The following ASIC2 variants were observed in gnomAD, a reference collection of about 807,000 sequenced individuals.
The protein encoded by ASIC2 is acid sensing ion channel subunit 2.
ASIC2 carries 25 observed loss-of-function variants against 57.3 expected under a neutral mutation model. The ratio of observed to expected loss-of-function variants is 0.44; its 90% confidence interval spans 0.32 to 0.61. The LOEUF (loss-of-function observed/expected upper bound fraction) is 0.61. Among genes scored for constraint, ASIC2 ranks in the 20% least tolerant of loss-of-function variants. The pLI is 0.06. For missense variants in ASIC2, 641 were observed against 738.1 expected (o/e 0.87, Z 1.52); for synonymous variants, 319 against 307.5 (o/e 1.04, Z -0.39).
intron 1 of ASIC2, among the ~76,000 whole-genome samples, chr17:33,315,481 C>G (rs920796789): frequency 6.6e-6 from 1 of 152,100 alleles, no homozygotes; most frequent in African/African-American, 2.4e-5. Flanking sequence ...AGGATAAAAT[C>G]AAAAAGGAAG....
At chr17:34,084,528 C>T (rs1910022484) in intron 1 of ASIC2, among the ~76,000 whole-genome samples, 1 of 152,158 alleles carries the variant, frequency 6.6e-6, no homozygotes, top group South Asian at 2.1e-4. Flanking sequence ...GGTGTGGGCT[C>T]TTTTTTGGTT....
At chr17:33,079,997 A>T (rs894683982) in intron 3 of ASIC2, among the ~76,000 whole-genome samples, 9 of 152,062 alleles carry the variant, frequency 5.9e-5, no homozygotes, top group Non-Finnish European at 1.0e-4. Flanking sequence ...TTGATTTGGG[A>T]TGTCCATGGG....
chr17:33,849,942 G>A (rs1913719242), intron 1 of ASIC2, among the ~76,000 whole-genome samples: 1 of 152,210 alleles, frequency 6.6e-6, no homozygotes, highest in African/African-American at 2.4e-5. Flanking sequence ...TGCTGTTATA[G>A]TCCTAGGCAA....
chr17:33,719,787 T>C (rs1909331844), intron 1 of ASIC2, among the ~76,000 whole-genome samples: 1 of 152,224 alleles, frequency 6.6e-6, no homozygotes, highest in South Asian at 2.1e-4. Flanking sequence ...TCAGTGCTAT[T>C]GCCCTTCCTA....
intron 1 of ASIC2, among the ~76,000 whole-genome samples, chr17:33,205,360 A>C (rs1187074418): frequency 6.6e-6 from 1 of 152,232 alleles, no homozygotes; most frequent in Non-Finnish European, 1.5e-5. Context: ...TCTGGGGAAC[A>C]CTGGTCCTTT....
At chr17:34,064,929 T>C (rs1909113512) in intron 1 of ASIC2, among the ~76,000 whole-genome samples, 1 of 152,150 alleles carries the variant, frequency 6.6e-6, no homozygotes, top group Non-Finnish European at 1.5e-5. Context: ...ACATGGCTAG[T>C]GGGAATGTAA....
At chr17:33,413,893 C>A (rs561078241) in intron 1 of ASIC2, among the ~76,000 whole-genome samples, 16 of 152,322 alleles carry the variant, frequency 1.1e-4, no homozygotes, top group Admixed American at 1.3e-4. Flanking sequence ...TCTTAGGTTT[C>A]TCCCTGGCAT....
chr17:33,486,244 A>T (rs540280235), intron 1 of ASIC2, among the ~76,000 whole-genome samples: 1 of 152,300 alleles, frequency 6.6e-6, no homozygotes, highest in East Asian at 1.9e-4. Flanking sequence ...CTTTGCCTAG[A>T]TTAGCTCTAT....
At chr17:33,363,563 C>G (rs1228904801) in intron 1 of ASIC2, among the ~76,000 whole-genome samples, 1 of 152,248 alleles carries the variant, frequency 6.6e-6, no homozygotes, top group East Asian at 1.9e-4. Context: ...GGTCAGAAAC[C>G]TAGCCCTGCG....
intron 1 of ASIC2, among the ~76,000 whole-genome samples, chr17:33,539,984 A>C (rs1298149441): frequency 2.0e-5 from 3 of 152,124 alleles, no homozygotes; most frequent in Non-Finnish European, 4.4e-5. Context: ...GACTGAAAGA[A>C]CTCAGCACTT....
intron 1 of ASIC2, among the ~76,000 whole-genome samples, chr17:33,754,976 A>AG (rs1233794318): frequency 1.3e-5 from 2 of 150,436 alleles, no homozygotes; most frequent in African/African-American, 4.9e-5. Flanking sequence ...AAAAAAAAAA[A>AG]AAAGAACAGT....
intron 1 of ASIC2, among the ~76,000 whole-genome samples, chr17:33,277,498 T>G (rs1010868600): frequency 6.6e-6 from 1 of 152,224 alleles, no homozygotes; most frequent in Admixed American, 6.5e-5. Context: ...GTGAAAGATG[T>G]GCAAGTTCTC....
chr17:33,400,256 G>C (rs1035121645), intron 1 of ASIC2, among the ~76,000 whole-genome samples: 2 of 152,200 alleles, frequency 1.3e-5, no homozygotes, highest in Admixed American at 1.3e-4. Flanking sequence ...CAGACTCCAT[G>C]CTCCACCTAT....
intron 1 of ASIC2, among the ~76,000 whole-genome samples, chr17:33,559,491 T>C (rs6505353): frequency 0.11 from 16,423 of 152,252 alleles, 2,356 homozygotes; most frequent in African/African-American, 0.33. Flanking sequence ...ATTTTCTTTT[T>C]TTTCAAAGGT....
At chr17:33,069,149 C>T (rs993398943) in intron 3 of ASIC2, among the ~76,000 whole-genome samples, 5 of 152,192 alleles carry the variant, frequency 3.3e-5, no homozygotes, top group Admixed American at 1.3e-4. Context: ...GATTTTCCAG[C>T]TATCTTTCTG....
At chr17:33,409,260 A>T (rs1362625548) in intron 1 of ASIC2, among the ~76,000 whole-genome samples, 1 of 152,162 alleles carries the variant, frequency 6.6e-6, no homozygotes, top group East Asian at 1.9e-4. Flanking sequence ...CATTTCCTCC[A>T]GAGGTCATCA....
chr17:34,012,983 GC>G (rs998467277), intron 1 of ASIC2, among the ~76,000 whole-genome samples: 8 of 152,108 alleles, frequency 5.3e-5, no homozygotes, highest in African/African-American at 1.9e-4. Flanking sequence ...GGAGGAGGCA[GC>G]CCCCCTGCTT....
At chr17:33,018,223 G>T (rs143984401) in intron 7 of ASIC2, among the ~76,000 whole-genome samples, 1 of 152,184 alleles carries the variant, frequency 6.6e-6, no homozygotes, top group Non-Finnish European at 1.5e-5. Flanking sequence ...TAGAGCTGAG[G>T]TTCTTACTCT....
intron 1 of ASIC2, among the ~76,000 whole-genome samples, chr17:33,821,082 T>A (rs1470542116): frequency 6.6e-6 from 1 of 152,192 alleles, no homozygotes; most frequent in Non-Finnish European, 1.5e-5. Context: ...TTTCCTTGCC[T>A]CTGTGTATGT....
Sources: allele counts gnomAD v4.1 joint callset (sites outside exome capture counted in the v4.1 genomes callset), GRCh38; gene constraint gnomAD v4.1.1; transcripts MANE v1.5; gene names NCBI Gene and HGNC (gene_info 2026-07-23, HGNC 2026-07-21).